The following PIK3AP1 variants were observed in gnomAD, a reference collection of about 807,000 sequenced individuals.
The protein encoded by PIK3AP1 is phosphoinositide-3-kinase adaptor protein 1.
PIK3AP1 carries 21 observed loss-of-function variants against 88.1 expected under a neutral mutation model. The ratio of observed to expected loss-of-function variants is 0.24; its 90% confidence interval spans 0.17 to 0.34. The LOEUF is 0.34. Among genes scored for constraint, PIK3AP1 ranks in the 10% least tolerant of loss-of-function variants. PIK3AP1 has a pLI of 1.00. For synonymous variants in PIK3AP1, 398 were observed against 400.0 expected, an observed-to-expected ratio of 1.00 and a Z score of 0.06; for missense variants, 828 against 1,035.7, an observed-to-expected ratio of 0.80 and a Z score of 2.75.
rs532965729 is a variant in PIK3AP1, at chr10:96,617,186, T to C, written c.1942-475A>G. Among the ~76,000 whole-genome samples, 16 of 152,350 alleles carry C rather than the reference T, an allele frequency of 1.1e-4. No individual in the cohort carries two copies. The South Asian group carries it at 2.1e-3, about 20-fold the overall frequency. Reference sequence around the variant, plus strand: ...CTGCTCCATCATGTGTGCACACTCTTGTGCCTTGCCTCTTTGAGATACTGT... The same window carrying C: ...CTGCTCCATCATGTGTGCACACTCTCGTGCCTTGCCTCTTTGAGATACTGT... On this transcript the variant is annotated intron_variant, in intron 12 of 16. Transcript: ENST00000339364.
intron 1 of PIK3AP1, among the ~76,000 whole-genome samples, chr10:96,713,325 G>A (rs997666461): frequency 2.0e-5 from 3 of 149,874 alleles, no homozygotes; most frequent in South Asian, 4.3e-4. Flanking sequence ...GTGAAACCCC[G>A]TCTCTATTAA....
chr10:96,628,899 T>TATATATAC (rs1843195918), intron 8 of PIK3AP1, among the ~76,000 whole-genome samples: 1 of 15,240 alleles, frequency 6.6e-5, no homozygotes, highest in African/African-American at 1.5e-4. Context: ...CATATATATA[T>TATATATAC]ATATATATGT....
chr10:96,597,267 TTTCTTTCCTTCCTTCCTTCCTTCC>T (rs1393872538), intron 16 of PIK3AP1, among the ~76,000 whole-genome samples: 4 of 122,168 alleles, frequency 3.3e-5, no homozygotes, highest in Non-Finnish European at 5.5e-5. Flanking sequence ...TCTTTCTTTC[TTTCTTTCCTTCCTTCCTTCCTTCC>T]TTCCTTCCTT....
chr10:96,614,971 A>G (rs758552256), intron 13 of PIK3AP1, among the ~76,000 whole-genome samples: 1 of 152,208 alleles, frequency 6.6e-6, no homozygotes, highest in African/African-American at 2.4e-5. Flanking sequence ...GTGATATGTA[A>G]AAAGAGAGGA....
chr10:96,670,498 T>C (rs1843831081), intron 2 of PIK3AP1, among the ~76,000 whole-genome samples: 2 of 151,956 alleles, frequency 1.3e-5, no homozygotes, highest in Non-Finnish European at 2.9e-5. Flanking sequence ...ACAGGAGAGC[T>C]GGGAGGACTT....
intron 1 of PIK3AP1, among the ~76,000 whole-genome samples, chr10:96,718,624 C>T (rs186815072): frequency 1.3e-4 from 20 of 152,332 alleles, no homozygotes; most frequent in Admixed American, 7.2e-4. Flanking sequence ...GGACTAGGGT[C>T]CCCCTCTGAA....
At chr10:96,682,481 A>T (rs1461522486) in intron 2 of PIK3AP1, among the ~76,000 whole-genome samples, 1 of 152,144 alleles carries the variant, frequency 6.6e-6, no homozygotes, top group African/African-American at 2.4e-5. Flanking sequence ...CTCTCCAAGG[A>T]TGCTTTCCCG....
rs371510754 is a variant in PIK3AP1, at chr10:96,595,684, A to G, written c.2361-50T>C. The G allele has an allele frequency of 3.2e-6, 5 of 1,579,704 alleles. No individual in the cohort carries two copies. The African/African-American group carries it at 6.7e-5, about 21-fold the overall frequency. On this transcript the variant is annotated intron_variant, in intron 16 of 16. Transcript: ENST00000339364. The stretch of plus-strand genomic sequence containing the variant: ...TATTTAAAAACTAATTTGATTAAAC[A>G]GTTCTTAGGAATGCACAATTTGTTG...
At chr10:96,673,500 C>T (rs184384664) in intron 2 of PIK3AP1, among the ~76,000 whole-genome samples, 12 of 152,154 alleles carry the variant, frequency 7.9e-5, no homozygotes, top group African/African-American at 1.4e-4. Flanking sequence ...TACCACAGCC[C>T]CCCCCGAAAG....
intron 2 of PIK3AP1, among the ~76,000 whole-genome samples, chr10:96,692,368 G>A (rs929366420): frequency 2.0e-5 from 3 of 152,204 alleles, no homozygotes; most frequent in African/African-American, 7.2e-5. Flanking sequence ...AAGGTCAGGA[G>A]ATAGGGACCA....
intron 8 of PIK3AP1, among the ~76,000 whole-genome samples, chr10:96,633,939 T>G (rs549624154): frequency 6.6e-6 from 1 of 152,208 alleles, no homozygotes; most frequent in Non-Finnish European, 1.5e-5. Flanking sequence ...TTCTTTATCA[T>G]GGCTTCTGGA....
intron 2 of PIK3AP1, among the ~76,000 whole-genome samples, chr10:96,663,459 G>A (rs776062902): frequency 5.9e-5 from 9 of 151,332 alleles, no homozygotes; most frequent in East Asian, 1.9e-4. Flanking sequence ...GTGAAACTCC[G>A]TCTCTACTAA....
rs149758121 is a variant in PIK3AP1, at chr10:96,702,751, T to C, written c.430+6816A>G. Among the ~76,000 whole-genome samples the C allele has an allele frequency of 1.0e-3, 153 of 152,312 alleles. 1 individual carries two copies. Among genetic ancestry groups the C allele is most frequent in the African/African-American group, 3.6e-3 (149 of 41,562 alleles). On this transcript the variant is annotated intron_variant, in intron 2 of 16. Transcript: ENST00000339364. ...AATCACTTTGTACACTTTGAATATA[T>C]ACAATTTTTATTTGTCAAGTATACC...
rs185135400 is a variant in PIK3AP1 at position 96,657,488 on chromosome 10, G to A, written c.431-554C>T. ...GCTCCACAGGCAACACCTGTACCAC[G>A]GAAAGATTGGAGCATGCACAGAGTC... On this transcript the variant is annotated intron_variant, in intron 2 of 16. Transcript: ENST00000339364. Among the ~76,000 whole-genome samples the A allele has an allele frequency of 7.9e-5, 12 of 152,274 alleles. No individual in the cohort carries two copies. The East Asian group carries it at 2.1e-3, about 27-fold the overall frequency.
chr10:96,673,108 T>C (rs1843869491), intron 2 of PIK3AP1, among the ~76,000 whole-genome samples: 1 of 152,190 alleles, frequency 6.6e-6, no homozygotes, highest in African/African-American at 2.4e-5. Flanking sequence ...TCAGAAAACA[T>C]GACCCAAAAG....
intron 13 of PIK3AP1, among the ~76,000 whole-genome samples, chr10:96,612,978 ATATATTTTTTTTTTTTTTTTTTT>A (rs1849148416): frequency 1.3e-3 from 59 of 46,960 alleles, no homozygotes; most frequent in African/African-American, 5.1e-3. Flanking sequence ...ATATATATAT[ATATATTTTTTTTTTTTTTTTTTT>A]TTTTTTTTTT....
intron 8 of PIK3AP1, among the ~76,000 whole-genome samples, chr10:96,628,911 T>C (rs1490364816): frequency 0.063 from 198 of 3,120 alleles, 11 homozygotes; most frequent in South Asian, 0.17. Flanking sequence ...TATATATGTG[T>C]ATATATATAT....
chr10:96,621,618 G>C (rs1157078091), intron 11 of PIK3AP1: 1 of 152,380 alleles, frequency 6.6e-6, no homozygotes, highest in Non-Finnish European at 1.5e-5. Context: ...ACCTTGGCCT[G>C]ATGTCACTGC....
At chr10:96,601,998 C>T (rs988366511) in intron 16 of PIK3AP1, among the ~76,000 whole-genome samples, 5 of 152,182 alleles carry the variant, frequency 3.3e-5, no homozygotes, top group Admixed American at 6.5e-5. Flanking sequence ...ATTCTCCTGC[C>T]TAAGCCTTCT....
Sources: allele counts gnomAD v4.1 joint callset (sites outside exome capture counted in the v4.1 genomes callset), GRCh38; gene constraint gnomAD v4.1.1; transcripts MANE v1.5; gene names NCBI Gene and HGNC (gene_info 2026-07-23, HGNC 2026-07-21).